ZNF521: variants seen among roughly 807,000 people sequenced by gnomAD.
ZNF521 encodes the protein zinc finger protein 521.
In ZNF521, 14 loss-of-function variants were observed where a neutral mutation model predicts 105.5. That is an observed-to-expected ratio of 0.13 (90% CI 0.09 to 0.21). The LOEUF (loss-of-function observed/expected upper bound fraction) is 0.21, where lower values mean the gene tolerates loss of function less well. Ranked by LOEUF, ZNF521 falls within the 10% of genes least tolerant of loss-of-function variation. The probability of loss-of-function intolerance (pLI) is 1.00; values close to 1 mark genes in which losing one functional copy is unlikely to be tolerated. For synonymous variants in ZNF521, 635 were observed against 606.0 expected (o/e 1.05, Z -0.70); for missense variants, 1,233 against 1,629.7 (o/e 0.76, Z 4.19).
intron 3 of ZNF521, among the ~76,000 whole-genome samples, chr18:25,232,212 G>T (rs539765949): frequency 5.3e-4 from 80 of 152,342 alleles, no homozygotes; most frequent in African/African-American, 1.9e-3. Flanking sequence ...AACTGACTTA[G>T]AGAGTGACCT....
At chr18:25,273,639 A>AAGGGT (rs1365685960) in intron 3 of ZNF521, 4 of 152,224 alleles carry the variant, frequency 2.6e-5, no homozygotes, top group Non-Finnish European at 5.9e-5. Context: ...AGATTAATAA[A>AAGGGT]AGGGTATGTA....
intron 5 of ZNF521, among the ~76,000 whole-genome samples, chr18:25,143,261 T>C (rs1330129731): frequency 6.6e-6 from 1 of 152,032 alleles, no homozygotes; most frequent in African/African-American, 2.4e-5. Context: ...ATCACAGGAG[T>C]TTCCCTAATA....
chr18:25,208,117 T>C (rs753750589), intron 4 of ZNF521, among the ~76,000 whole-genome samples: 4 of 152,234 alleles, frequency 2.6e-5, no homozygotes, highest in Non-Finnish European at 5.9e-5. Flanking sequence ...CACTGTTGAA[T>C]AGCCTTACTA....
chr18:25,307,553 T>G (rs900549609), intron 3 of ZNF521, among the ~76,000 whole-genome samples: 7 of 152,194 alleles, frequency 4.6e-5, no homozygotes, highest in African/African-American at 1.7e-4. Context: ...TTCCAGACCC[T>G]GCCTTCCTTT....
At chr18:25,105,425 T>C (rs1035584449) in intron 5 of ZNF521, among the ~76,000 whole-genome samples, 3 of 152,140 alleles carry the variant, frequency 2.0e-5, no homozygotes, top group African/African-American at 7.2e-5. Context: ...AGGAAGTGTC[T>C]ACACAAGTCA....
rs552713387 is a variant in ZNF521 at position 25,279,019 on chromosome 18, C to A, written c.220+42989G>T. The stretch of plus-strand genomic sequence containing the variant: ...ACTGGTGGGGGAAGACAGAGTGAAG[C>A]GCTTAATTTTAATTCTGAAATCAAA... On this transcript the variant is annotated intron_variant, in intron 3 of 7. Transcript: ENST00000361524. 2.6e-5 allele frequency among the ~76,000 whole-genome samples: 4 copies of A among 152,228 alleles called. No homozygotes were observed. The East Asian group carries it at 7.7e-4, about 29-fold the overall frequency.
intron 5 of ZNF521, among the ~76,000 whole-genome samples, chr18:25,098,936 A>G (rs2033908992): frequency 6.6e-6 from 1 of 152,196 alleles, no homozygotes; most frequent in Non-Finnish European, 1.5e-5. Flanking sequence ...AGATGAATGG[A>G]ATGATTGAAG....
At chr18:25,246,476 T>C (rs1907731487) in intron 3 of ZNF521, among the ~76,000 whole-genome samples, 1 of 152,172 alleles carries the variant, frequency 6.6e-6, no homozygotes, top group East Asian at 1.9e-4. Context: ...CTATTTTCCT[T>C]TTTCCCCCAT....
intron 7 of ZNF521, among the ~76,000 whole-genome samples, chr18:25,079,786 C>T (rs2033451881): frequency 6.6e-6 from 1 of 152,124 alleles, no homozygotes; most frequent in Non-Finnish European, 1.5e-5. Flanking sequence ...GGAGTGAAGT[C>T]TTGGTGCCTG....
intron 3 of ZNF521, among the ~76,000 whole-genome samples, chr18:25,283,933 C>CAA (rs1555657973): frequency 4.5e-5 from 6 of 133,222 alleles, no homozygotes; most frequent in Non-Finnish European, 8.0e-5. Context: ...CCCCCCCCCC[C>CAA]AAAAAAATTC....
intron 2 of ZNF521, among the ~76,000 whole-genome samples, chr18:25,342,817 A>C (rs1424343965): frequency 6.6e-6 from 1 of 152,168 alleles, no homozygotes; most frequent in Non-Finnish European, 1.5e-5. Context: ...AACTTAACAC[A>C]ACTAAGACAA....
intron 3 of ZNF521, among the ~76,000 whole-genome samples, chr18:25,232,848 A>G (rs1906627794): frequency 1.3e-5 from 2 of 152,206 alleles, no homozygotes; most frequent in Admixed American, 1.3e-4. Flanking sequence ...CTTGAGACCA[A>G]CAAAATTTCA....
intron 5 of ZNF521, among the ~76,000 whole-genome samples, chr18:25,169,873 G>GGTAT (rs1366189954): frequency 6.6e-6 from 1 of 152,046 alleles, no homozygotes; most frequent in African/African-American, 2.4e-5. Flanking sequence ...GTTTTTCTTC[G>GGTAT]GTATGTATGA....
intron 7 of ZNF521, among the ~76,000 whole-genome samples, chr18:25,079,849 A>G (rs2089099979): frequency 6.6e-6 from 1 of 152,206 alleles, no homozygotes; most frequent in African/African-American, 2.4e-5. Flanking sequence ...TTTCACCCTT[A>G]TAAACTCAAA....
chr18:25,180,743 C>A (rs1312283784), intron 5 of ZNF521, among the ~76,000 whole-genome samples: 1 of 152,058 alleles, frequency 6.6e-6, no homozygotes, highest in Non-Finnish European at 1.5e-5. Context: ...GCATTCCAGC[C>A]CAAAACGATT....
intron 4 of ZNF521, among the ~76,000 whole-genome samples, chr18:25,214,319 G>A (rs913764266): frequency 2.6e-5 from 4 of 151,958 alleles, no homozygotes; most frequent in South Asian, 2.1e-4. Flanking sequence ...TACAAAGTAA[G>A]GCTCCCCTTT....
At chr18:25,210,193 C>T (rs1180182912) in intron 4 of ZNF521, among the ~76,000 whole-genome samples, 1 of 152,136 alleles carries the variant, frequency 6.6e-6, no homozygotes, top group Non-Finnish European at 1.5e-5. Context: ...ACTATGCCAT[C>T]TGCTTTTCAT....
intron 5 of ZNF521, among the ~76,000 whole-genome samples, chr18:25,178,397 A>G (rs1040889521): frequency 6.6e-6 from 1 of 152,174 alleles, no homozygotes; most frequent in Non-Finnish European, 1.5e-5. Context: ...TGCTATTTAA[A>G]TCTATCCACT....
At chr18:25,224,263 T>G (rs546097946) in intron 4 of ZNF521, 82 bp downstream of exon 4, 1 of 1,275,972 alleles carries the variant, frequency 7.8e-7, no homozygotes, top group Non-Finnish European at 1.1e-6. Context: ...TGACAATAAA[T>G]AAAGCTGTGG....
Sources: allele counts gnomAD v4.1 joint callset (sites outside exome capture counted in the v4.1 genomes callset), GRCh38; gene constraint gnomAD v4.1.1; transcripts MANE v1.5; gene names NCBI Gene and HGNC (gene_info 2026-07-23, HGNC 2026-07-21).